The following CDC73 variants were observed in gnomAD, a reference collection of about 807,000 sequenced individuals.
CDC73 encodes cell division cycle 73.
A neutral mutation model predicts 83.7 loss-of-function variants in CDC73; 21 were observed. The ratio of observed to expected loss-of-function variants is 0.25; its 90% CI spans 0.18 to 0.36. The LOEUF is 0.36. Among genes scored for constraint, CDC73 ranks in the 10% least tolerant of loss-of-function variants. CDC73 has a pLI of 1.00. For synonymous variants in CDC73, 224 were observed against 212.9 expected, an observed-to-expected ratio of 1.05 and a Z score of -0.45; for missense variants, 342 against 653.3, an observed-to-expected ratio of 0.52 and a Z score of 5.19.
chr1:193,192,334 C>G (rs892976749), intron 10 of CDC73, among the ~76,000 whole-genome samples: 8 of 152,072 alleles, frequency 5.3e-5, no homozygotes, highest in Non-Finnish European at 1.2e-4. Context: ...TCCCAGCTAC[C>G]TGGGAGGCTG....
rs1678051813 is a variant in CDC73, at chr1:193,252,030, T to C, written c.*1318T>C. On this transcript the variant is annotated 3_prime_UTR_variant, in exon 17 of 17. Coordinates refer to ENST00000367435, the MANE Select transcript of CDC73 (RefSeq NM_024529.5). ...TTTCATAGGTATTAAGCTGACATTA[T>C]CTAGCTTCTTAATGAAATTTAACAC... 1 of 231,442 alleles carries C rather than the reference T, an allele frequency of 4.3e-6. No individual in the cohort carries two copies. The allele number at this position is 231,442 out of a possible 1,614,324, so 14.3% of individuals were successfully genotyped here.
chr1:193,197,557 G>A (rs1285423710), intron 10 of CDC73, among the ~76,000 whole-genome samples: 1 of 152,126 alleles, frequency 6.6e-6, no homozygotes, highest in Non-Finnish European at 1.5e-5. Flanking sequence ...AGCACCATGA[G>A]GGTAGGGACC....
At chr1:193,147,361 AGTT>A (rs1676019097) in intron 7 of CDC73, among the ~76,000 whole-genome samples, 1 of 145,454 alleles carries the variant, frequency 6.9e-6, no homozygotes, top group Admixed American at 6.9e-5. Flanking sequence ...CATTTGTAGC[AGTT>A]TTTTTTTTCT....
intron 10 of CDC73, among the ~76,000 whole-genome samples, chr1:193,158,635 C>G (rs1010708794): frequency 3.9e-5 from 6 of 152,074 alleles, no homozygotes; most frequent in Admixed American, 1.3e-4. Flanking sequence ...TTTAGACTGG[C>G]ATATTATTCT....
chr1:193,187,800 A>G (rs1449438253), intron 10 of CDC73, among the ~76,000 whole-genome samples: 1 of 152,122 alleles, frequency 6.6e-6, no homozygotes, highest in East Asian at 1.9e-4. Context: ...TAAGAACCCC[A>G]CTGTATTAGA....
At chr1:193,142,806 A>G (rs1348423351) in intron 7 of CDC73, among the ~76,000 whole-genome samples, 1 of 152,186 alleles carries the variant, frequency 6.6e-6, no homozygotes, top group East Asian at 1.9e-4. Flanking sequence ...GGAGATATGC[A>G]CTTTATATTT....
intron 3 of CDC73, among the ~76,000 whole-genome samples, chr1:193,132,915 T>C (rs1323204533): frequency 6.7e-6 from 1 of 149,680 alleles, no homozygotes; most frequent in Non-Finnish European, 1.5e-5. Flanking sequence ...TTTTTTTTTT[T>C]TTTGAGAAGG....
intron 2 of CDC73, 135 bp from the exon 3 acceptor site, chr1:193,130,039 A>AT: frequency 1.6e-6 from 1 of 635,288 alleles, no homozygotes; most frequent in Non-Finnish European, 2.8e-6. Context: ...TAGCCTAGTC[A>AT]TTTTTTACAA....
chr1:193,149,686 CATA>C (rs956566532), intron 8 of CDC73, among the ~76,000 whole-genome samples: 2 of 152,066 alleles, frequency 1.3e-5, no homozygotes, highest in African/African-American at 4.8e-5. Flanking sequence ...AGAATCCTAT[CATA>C]ATAAAATGAA....
chr1:193,241,744 C>T (rs1306509711), intron 15 of CDC73, among the ~76,000 whole-genome samples: 2 of 152,176 alleles, frequency 1.3e-5, no homozygotes, highest in Admixed American at 1.3e-4. Flanking sequence ...GAGGATGTTG[C>T]AGGGCCACCC....
In CDC73 at chr1:193,240,811, C is replaced by T. The variant is rs550663480; in HGVS notation, c.1417+4455C>T. 9.2e-5 allele frequency among the ~76,000 whole-genome samples: 14 copies of T among 152,194 alleles called. No individual in the cohort carries two copies. The South Asian group carries it at 1.2e-3, about 14-fold the overall frequency. On this transcript the variant is annotated intron_variant, in intron 15 of 16. Transcript: ENST00000367435. ...TTGTTCTTCACATTGTTTATTGTTT[C>T]CATTGCTGTACAGAAACTTTTTACT...
chr1:193,216,025 C>G (rs1677361008), intron 13 of CDC73, among the ~76,000 whole-genome samples: 1 of 152,180 alleles, frequency 6.6e-6, no homozygotes, highest in Non-Finnish European at 1.5e-5. Context: ...AAATTAACCA[C>G]CTAACGTCAC....
chr1:193,221,071 C>G (rs1677461842), intron 13 of CDC73, among the ~76,000 whole-genome samples: 1 of 152,060 alleles, frequency 6.6e-6, no homozygotes. Context: ...TCTTCAGAGA[C>G]AAGGGCTTGT....
intron 12 of CDC73, 82 bp downstream of exon 12, chr1:193,212,182 C>G: frequency 1.7e-6 from 2 of 1,148,552 alleles, no homozygotes; most frequent in East Asian, 2.6e-5. Context: ...TCTTGTGCAG[C>G]TGTATCACAT....
In CDC73 at chr1:193,159,658, G is replaced by A. The variant is rs369599539; in HGVS notation, c.972+7214G>A. On this transcript the variant is annotated intron_variant, in intron 10 of 16. Transcript: ENST00000367435. ...ATTACAGGCGTGAGCCACCGTGCCC[G>A]GCCTCCTTTCACTGCTTTTTGATTG... Among the ~76,000 whole-genome samples the A allele has an allele frequency of 5.3e-5, 8 of 152,252 alleles. No homozygotes were observed. In the South Asian group the frequency reaches 1.7e-3, roughly 32 times the overall value.
rs995234392 is a variant in CDC73, at chr1:193,250,534, T to G, written c.1560-142T>G. ...TTATTTCTAGCTTATTCCAGAGTCT[T>G]TATATTTCCAGTTTTCTAGAAAACA... is the stretch of plus-strand genomic sequence containing the variant. On this transcript the variant is annotated intron_variant, in intron 16 of 16. Transcript: ENST00000367435. 2.5e-5 allele frequency: 16 copies of G among 644,298 alleles called. No individual in the cohort carries two copies. The East Asian group carries it at 4.4e-4, about 18-fold the overall frequency. The allele number at this position is 644,298 out of a possible 1,614,324, so 39.9% of individuals were successfully genotyped here.
chr1:193,196,875 A>G (rs569899817), intron 10 of CDC73, among the ~76,000 whole-genome samples: 6 of 152,282 alleles, frequency 3.9e-5, no homozygotes, highest in South Asian at 2.1e-4. Context: ...TTAACATACA[A>G]ATCTTGTCAT....
intron 11 of CDC73, among the ~76,000 whole-genome samples, chr1:193,206,716 G>A (rs1677194878): frequency 6.6e-6 from 1 of 152,190 alleles, no homozygotes; most frequent in African/African-American, 2.4e-5. Flanking sequence ...GGAAATGAGA[G>A]ACTGTCTCAC....
At chr1:193,189,385 CTG>C (rs71734066) in intron 10 of CDC73, among the ~76,000 whole-genome samples, 5,992 of 152,288 alleles carry the variant, frequency 0.039, 110 homozygotes, top group Middle Eastern at 0.048. Flanking sequence ...TCAAGAGAAA[CTG>C]TAAAAATCTT....
Sources: gnomAD v4.1 joint callset for allele counts (sites outside exome capture counted in the v4.1 genomes callset) on GRCh38, gnomAD v4.1.1 for gene constraint, MANE v1.5 for transcripts, NCBI Gene and HGNC (gene_info 2026-07-23, HGNC 2026-07-21) for gene names.